SLMAP: variants seen among roughly 807,000 people sequenced by gnomAD.
SLMAP encodes sarcolemma associated protein, also known as sarcolemmal membrane-associated protein.
A neutral mutation model predicts 128.8 loss-of-function variants in SLMAP; 44 were observed. The observed-to-expected ratio is 0.34, with a 90% CI of 0.27 to 0.44. SLMAP has a LOEUF of 0.44. SLMAP is among the 20% of genes least tolerant of loss of function. The pLI is 1.00. For missense variants in SLMAP, 787 were observed against 985.3 expected, an observed-to-expected ratio of 0.80 and a Z score of 2.69; for synonymous variants, 327 against 348.8, an observed-to-expected ratio of 0.94 and a Z score of 0.70.
chr3:57,925,881 G>A lies in SLMAP; in HGVS notation c.2482G>A (p.Gly828Ser), dbSNP rs751169046. 1.5e-5 allele frequency: 24 copies of A among 1,550,878 alleles called. No homozygotes were observed. Among genetic ancestry groups the A allele is most frequent in the Non-Finnish European group, 2.0e-5 (23 of 1,147,068 alleles). The change falls in exon 24 of 25, where the codon GGC (glycine) becomes AGC (serine). Residue 828 changes from glycine (G) to serine (S), a missense_variant. By Grantham distance (56) the Gly-to-Ser change is moderately conservative. Transcript: ENST00000671191. ...ILQPVPAVFI[G>S]LFLAFLFWCF... ...ACAACCCGTCCCAGCCGTATTCATC[G>A]GCCTATTCCTGGCTTTCCTGTTTTG...
intron 2 of SLMAP, among the ~76,000 whole-genome samples, chr3:57,792,042 T>G (rs2085583462): frequency 6.6e-6 from 1 of 152,120 alleles, no homozygotes; most frequent in South Asian, 2.1e-4. Context: ...GTATCTTACT[T>G]AAAAAGAAAA....
chr3:57,774,863 T>G (rs1320631589), intron 2 of SLMAP, among the ~76,000 whole-genome samples: 2 of 151,812 alleles, frequency 1.3e-5, no homozygotes, highest in Non-Finnish European at 2.9e-5. Flanking sequence ...TTGTTGTAGG[T>G]CTGATGATTG....
intron 17 of SLMAP, 104 bp from the exon 18 acceptor site, chr3:57,907,780 A>T (rs9864975): frequency 2.8e-6 from 3 of 1,065,492 alleles, no homozygotes; most frequent in South Asian, 3.6e-5. Flanking sequence ...CAGTTGTTCT[A>T]TGTTGTTTAT....
intron 3 of SLMAP, 68 bp from the exon 4 acceptor site, chr3:57,841,231 A>G: frequency 1.1e-6 from 1 of 887,284 alleles, no homozygotes; most frequent in Non-Finnish European, 1.8e-6. Flanking sequence ...ATGTTTACAT[A>G]TGAGAGGTGT....
chr3:57,863,555 C>T (rs1325935715), intron 10 of SLMAP, among the ~76,000 whole-genome samples: 1 of 152,162 alleles, frequency 6.6e-6, no homozygotes, highest in Non-Finnish European at 1.5e-5. Context: ...AGGCTGCTTC[C>T]ACTGATGGCA....
At chr3:57,812,834 T>C (rs956483041) in intron 2 of SLMAP, among the ~76,000 whole-genome samples, 4 of 152,028 alleles carry the variant, frequency 2.6e-5, no homozygotes, top group East Asian at 1.9e-4. Context: ...CCTTTTTTTT[T>C]CTTAACCCCT....
chr3:57,779,877 A>G (rs184512795), intron 2 of SLMAP, among the ~76,000 whole-genome samples: 12 of 152,266 alleles, frequency 7.9e-5, no homozygotes, highest in Admixed American at 2.6e-4. Context: ...ACTAAGTCTT[A>G]GTGCTTGCCA....
chr3:57,896,157 A>T, intron 15 of SLMAP: 1 of 816,634 alleles, frequency 1.2e-6, no homozygotes, highest in Non-Finnish European at 1.5e-6. Flanking sequence ...AATCATCTTT[A>T]TACAGTGTCT....
chr3:57,785,924 T>G (rs1053660546), intron 2 of SLMAP, among the ~76,000 whole-genome samples: 6 of 152,202 alleles, frequency 3.9e-5, no homozygotes, highest in African/African-American at 1.4e-4. Context: ...TTATAGTTAT[T>G]TCAGCAAACA....
intron 14 of SLMAP, among the ~76,000 whole-genome samples, chr3:57,881,604 C>T (rs748896183): frequency 3.9e-5 from 6 of 151,998 alleles, no homozygotes; most frequent in Admixed American, 1.3e-4. Flanking sequence ...ACTACAGGCA[C>T]GTGCCACTAT....
intron 10 of SLMAP, among the ~76,000 whole-genome samples, chr3:57,862,567 G>A (rs2095129434): frequency 1.4e-5 from 2 of 147,280 alleles, no homozygotes; most frequent in Non-Finnish European, 3.0e-5. Flanking sequence ...GAACCCAGGA[G>A]GCAGAGGTTG....
chr3:57,921,896 G>C (rs1395198258), intron 22 of SLMAP, among the ~76,000 whole-genome samples: 2 of 152,048 alleles, frequency 1.3e-5, no homozygotes, highest in Admixed American at 6.5e-5. Context: ...GTAGAGGTGG[G>C]GTTTTGCCAT....
chr3:57,911,005 GTT>G (rs1458976724), intron 19 of SLMAP, among the ~76,000 whole-genome samples: 2 of 152,114 alleles, frequency 1.3e-5, no homozygotes, highest in Non-Finnish European at 2.9e-5. Context: ...TGTCATATGT[GTT>G]TTTAAATTGA....
At chr3:57,846,578 A>G (rs1317058267) in intron 4 of SLMAP, among the ~76,000 whole-genome samples, 1 of 141,920 alleles carries the variant, frequency 7.0e-6, no homozygotes, top group Non-Finnish European at 1.5e-5. Flanking sequence ...TTTTTTTGAG[A>G]CAGAGTCTCA....
chr3:57,793,947 GC>G (rs1393297578), intron 2 of SLMAP, among the ~76,000 whole-genome samples: 1 of 151,344 alleles, frequency 6.6e-6, no homozygotes, highest in African/African-American at 2.4e-5. Flanking sequence ...TATTCCTGTA[GC>G]CCCAGCTACT....
At chr3:57,776,593 C>A (rs2082006975) in intron 2 of SLMAP, among the ~76,000 whole-genome samples, 1 of 136,166 alleles carries the variant, frequency 7.3e-6, no homozygotes, top group African/African-American at 2.8e-5. Flanking sequence ...GTGGCGCAAT[C>A]TTGGCTCACT....
chr3:57,895,411 C>CT (rs2096215263), intron 15 of SLMAP, among the ~76,000 whole-genome samples: 2 of 152,094 alleles, frequency 1.3e-5, no homozygotes, highest in Non-Finnish European at 1.5e-5. Context: ...TCTCGGCTCA[C>CT]TGCAACCTCC....
chr3:57,843,775 C>CTTTTTTTTTT lies in SLMAP; in HGVS notation c.419+2417_419+2426dup, dbSNP rs775541858. 2.3e-3 allele frequency among the ~76,000 whole-genome samples: 177 copies of CTTTTTTTTTT among 77,114 alleles called. 1 individual carries two copies. Among genetic ancestry groups the CTTTTTTTTTT allele is most frequent in the East Asian group, 3.7e-3 (8 of 2,176 alleles). 50.6% of individuals were successfully genotyped at this position (77,114 alleles called of 152,430 possible). On this transcript the variant is annotated intron_variant, in intron 4 of 24. Coordinates refer to ENST00000671191, the MANE Select transcript of SLMAP (RefSeq NM_001377540.1). ...TTCTCTCTCTTTCTTTCTTTTCTTT[C>CTTTTTTTTTT]TTTTTTTTTTTTTTTTTTTTTTGAG... is the stretch of plus-strand genomic sequence containing the variant.
chr3:57,864,194 G>A (rs1462103215), intron 10 of SLMAP, among the ~76,000 whole-genome samples: 2 of 152,044 alleles, frequency 1.3e-5, no homozygotes, highest in African/African-American at 4.8e-5. Flanking sequence ...GATCATCTGA[G>A]GTCAGGCGTT....
Sources: allele counts gnomAD v4.1 joint callset (sites outside exome capture counted in the v4.1 genomes callset), GRCh38; gene constraint gnomAD v4.1.1; transcripts MANE v1.5; gene names NCBI Gene and HGNC (gene_info 2026-07-23, HGNC 2026-07-21).